Variants in HECW2 observed in about 807,000 individuals in gnomAD.
HECW2 encodes E3 ubiquitin-protein ligase HECW2.
HECW2 carries 61 observed loss-of-function variants against 175.2 expected under a neutral mutation model. The observed-to-expected ratio is 0.35, with a 90% CI of 0.28 to 0.43. The LOEUF is 0.43. HECW2 is among the 20% of genes least tolerant of loss of function. HECW2 has a pLI of 1.00. For missense variants in HECW2, 1,524 were observed against 2,000.5 expected (o/e 0.76, Z 4.54); for synonymous variants, 671 against 731.0 (o/e 0.92, Z 1.32).
intron 21 of HECW2, among the ~76,000 whole-genome samples, chr2:196,233,794 C>T (rs1688141506): frequency 6.6e-6 from 1 of 152,178 alleles, no homozygotes; most frequent in Non-Finnish European, 1.5e-5. Context: ...CTTGAAGCTT[C>T]ACAGATTTCT....
intron 1 of HECW2, among the ~76,000 whole-genome samples, chr2:196,499,997 A>G (rs1217490429): frequency 6.6e-6 from 1 of 152,220 alleles, no homozygotes; most frequent in East Asian, 1.9e-4. Context: ...ATGACAGCAG[A>G]TGGAATAATG....
intron 1 of HECW2, among the ~76,000 whole-genome samples, chr2:196,532,021 T>C (rs918458401): frequency 6.6e-6 from 1 of 152,236 alleles, no homozygotes; most frequent in Admixed American, 6.5e-5. Flanking sequence ...CACCTAGCAA[T>C]GTGCCCTGCA....
rs181705068 is a variant in HECW2, at chr2:196,589,137, T to C, written c.-36+4371A>G. ...TCGCTTAAACCCAGGAGGCGGAGGA[T>C]GCGGTGAGCCAAGATTGCACCACTG... is the stretch of plus-strand genomic sequence containing the variant. On this transcript the variant is annotated intron_variant, in intron 1 of 28. Transcript: ENST00000644978. Among the ~76,000 whole-genome samples, 14 of 152,256 alleles carry C rather than the reference T, an allele frequency of 9.2e-5. No homozygotes were observed. The East Asian group carries it at 2.5e-3, about 27-fold the overall frequency.
chr2:196,292,857 T>A, intron 13 of HECW2, 107 bp from the exon 14 acceptor site: 1 of 843,018 alleles, frequency 1.2e-6, no homozygotes, highest in Non-Finnish European at 1.8e-6. Flanking sequence ...ATGAAATGCA[T>A]ATATAAGCTT....
At chr2:196,305,069 T>G (rs1691208729) in intron 13 of HECW2, among the ~76,000 whole-genome samples, 1 of 152,222 alleles carries the variant, frequency 6.6e-6, no homozygotes. Flanking sequence ...CCTTTGGAGT[T>G]AATCGTCCAC....
chr2:196,209,360 C>A (rs1326158216), intron 28 of HECW2, among the ~76,000 whole-genome samples: 1 of 151,840 alleles, frequency 6.6e-6, no homozygotes, highest in Admixed American at 6.6e-5. Flanking sequence ...ATAAATTTAC[C>A]CACCTCCCAA....
At chr2:196,275,015 C>A (rs923796709) in intron 15 of HECW2, among the ~76,000 whole-genome samples, 1 of 152,198 alleles carries the variant, frequency 6.6e-6, no homozygotes, top group African/African-American at 2.4e-5. Context: ...CCACCCACAA[C>A]CATTTGCAGC....
chr2:196,415,503 T>C (rs1196858796), intron 2 of HECW2, among the ~76,000 whole-genome samples: 2 of 151,288 alleles, frequency 1.3e-5, no homozygotes, highest in African/African-American at 2.4e-5. Flanking sequence ...TCTCTGAGGG[T>C]GGGAAAGCCC....
intron 10 of HECW2, among the ~76,000 whole-genome samples, chr2:196,310,181 A>C (rs1371185841): frequency 6.6e-6 from 1 of 152,246 alleles, no homozygotes; most frequent in Non-Finnish European, 1.5e-5. Context: ...AATAGCCTTA[A>C]TTTATAGTTC....
At chr2:196,357,618 C>T (rs963043055) in intron 2 of HECW2, among the ~76,000 whole-genome samples, 1 of 152,176 alleles carries the variant, frequency 6.6e-6, no homozygotes, top group Non-Finnish European at 1.5e-5. Flanking sequence ...TGTCCCTACC[C>T]AAATTACCAA....
In HECW2 at chr2:196,326,966, G is replaced by C. The variant is rs541708669; in HGVS notation, c.572-1817C>G. Among the ~76,000 whole-genome samples, 4 of 152,290 alleles carry C rather than the reference G, an allele frequency of 2.6e-5. No individual in the cohort carries two copies. In the South Asian group the frequency reaches 8.3e-4, roughly 32 times the overall value. On this transcript the variant is annotated intron_variant, in intron 5 of 28. Transcript: ENST00000644978. ...TACTTTCACTTGGCTTTCTTCAGCA[G>C]GGAACAGCTTTGAGAAGAAAATGCA...
At chr2:196,509,272 G>A (rs920727082) in intron 1 of HECW2, among the ~76,000 whole-genome samples, 2 of 152,130 alleles carry the variant, frequency 1.3e-5, no homozygotes, top group Non-Finnish European at 1.5e-5. Context: ...CCACCCTCCT[G>A]GCTCATGGAT....
chr2:196,459,851 A>G (rs1448008952), intron 1 of HECW2, among the ~76,000 whole-genome samples: 1 of 152,164 alleles, frequency 6.6e-6, no homozygotes, highest in East Asian at 1.9e-4. Flanking sequence ...ACCCTGGATC[A>G]TGCTAATGCC....
chr2:196,322,583 T>G lies in HECW2; in HGVS notation c.779A>C (p.Glu260Ala). Residue 260 changes from glutamate (E) to alanine (A), a missense_variant, in exon 7 of 29, where the codon GAA becomes GCA. Transcript: ENST00000644978. ...SFFALLTDVL[E>A]IEIKDKFAKS... ...GGCAAATTTGTCTTTAATTTCAATT[T>G]CTAAGACATCAGTAAGAAGTGCAAA... 1 of 1,613,672 alleles carries G rather than the reference T, an allele frequency of 6.2e-7. No homozygotes were observed. Among genetic ancestry groups the G allele is most frequent in the Non-Finnish European group, 8.5e-7 (1 of 1,179,602 alleles).
At chr2:196,245,986 G>C (rs1224326243) in intron 19 of HECW2, among the ~76,000 whole-genome samples, 7 of 152,236 alleles carry the variant, frequency 4.6e-5, no homozygotes, top group Non-Finnish European at 1.0e-4. Flanking sequence ...CAACTGTCCA[G>C]ATGATTCCAA....
At chr2:196,302,673 T>G (rs1277085523) in intron 13 of HECW2, among the ~76,000 whole-genome samples, 1 of 152,236 alleles carries the variant, frequency 6.6e-6, no homozygotes, top group East Asian at 1.9e-4. Flanking sequence ...TTATCCTTTT[T>G]GTAGCAATTG....
In HECW2 at chr2:196,308,073, C is replaced by A; in HGVS notation, c.2447G>T (p.Arg816Leu). 3 of 1,582,230 alleles carry A rather than the reference C, an allele frequency of 1.9e-6. No individual in the cohort carries two copies. The highest frequency in any genetic ancestry group is 1.7e-6 in the Non-Finnish European group (2 of 1,157,896). The change falls in exon 11 of 29, where the codon CGC becomes CTC. Residue 816 changes from arginine to leucine, a missense_variant. Around this residue, in one of 11 missense-constraint regions of HECW2, gnomAD observed 82 missense variants for 124.4 expected, o/e 0.66. Coordinates refer to ENST00000644978, the MANE Select transcript of HECW2 (RefSeq NM_001348768.2). ...GAAGATCCTGCCGTGGCTGTCAATG[C>A]GTGCCTCCCAGTCTAAATGGCAGTG... The part of the protein sequence containing the change: ...DEALPPNWEA[R>L]IDSHGRIFYV...
intron 2 of HECW2, among the ~76,000 whole-genome samples, chr2:196,373,849 G>A (rs572492301): frequency 4.6e-5 from 7 of 152,058 alleles, no homozygotes; most frequent in African/African-American, 4.8e-5. Flanking sequence ...CGGCTAAAAC[G>A]GTGAAACCCC....
chr2:196,313,958 G>A (rs1181242608), intron 10 of HECW2, among the ~76,000 whole-genome samples: 1 of 152,184 alleles, frequency 6.6e-6, no homozygotes, highest in Non-Finnish European at 1.5e-5. Context: ...CTACTCAGGA[G>A]GCCGAGGCAG....
Sources: allele counts gnomAD v4.1 joint callset (sites outside exome capture counted in the v4.1 genomes callset), GRCh38; gene constraint gnomAD v4.1.1; regional missense constraint gnomAD v4.1.1; transcripts MANE v1.5; gene names NCBI Gene and HGNC (gene_info 2026-07-23, HGNC 2026-07-21).